The following C12orf56 variants were observed in gnomAD, a reference collection of about 807,000 sequenced individuals.
C12orf56 encodes chromosome 12 open reading frame 56.
In C12orf56, 71 loss-of-function variants were observed where a neutral mutation model predicts 69.9. That is an observed-to-expected ratio of 1.02 (90% CI 0.84 to 1.24). The LOEUF is 1.24. C12orf56 is among the 50% of genes most tolerant of loss of function. The pLI, the probability that C12orf56 is intolerant of heterozygous loss-of-function variation, is 0.00. For synonymous variants in C12orf56, 276 were observed against 274.1 expected, an observed-to-expected ratio of 1.01 and a Z score of -0.07; for missense variants, 732 against 738.5, an observed-to-expected ratio of 0.99 and a Z score of 0.10.
chr12:64,308,936 G>GA (rs1482312962), intron 5 of C12orf56, among the ~76,000 whole-genome samples: 1 of 32,574 alleles, frequency 3.1e-5, no homozygotes, highest in Admixed American at 3.8e-4. Flanking sequence ...AAGAAAGAAA[G>GA]AAAGAAGAAA....
chr12:64,337,770 T>C (rs1486069986), intron 2 of C12orf56, among the ~76,000 whole-genome samples: 1 of 149,280 alleles, frequency 6.7e-6, no homozygotes, highest in African/African-American at 2.5e-5. Context: ...GGCACAAGAA[T>C]CACTTGAACC....
At chr12:64,355,583 T>C (rs1043350261) in intron 1 of C12orf56, among the ~76,000 whole-genome samples, 5 of 152,190 alleles carry the variant, frequency 3.3e-5, no homozygotes, top group South Asian at 4.1e-4. Flanking sequence ...ATATCTCAGA[T>C]TGAAGATAAT....
At chr12:64,300,800 T>C (rs983604258) in intron 6 of C12orf56, among the ~76,000 whole-genome samples, 1 of 152,250 alleles carries the variant, frequency 6.6e-6, no homozygotes, top group Admixed American at 6.5e-5. Context: ...GCCTTTTCCA[T>C]GAGCATCTAC....
chr12:64,283,910 T>TA (rs1261202000), intron 8 of C12orf56, among the ~76,000 whole-genome samples: 1 of 138,490 alleles, frequency 7.2e-6, no homozygotes, highest in Non-Finnish European at 1.5e-5. Flanking sequence ...GAGTATCTAT[T>TA]TTTTTTTTTT....
At position 64,366,262 on chromosome 12, in the gene C12orf56, TAC is replaced by T. The variant is rs1284161536; in HGVS notation, c.253-13208_253-13207del. On this transcript the variant is annotated intron_variant, in intron 1 of 12. Coordinates refer to ENST00000543942, the MANE Select transcript of C12orf56 (RefSeq NM_001170633.2). ...TACAGTTTATATATTATATATAATATACAGTTTATATATTATATATAATATAC... is the reference window on the plus strand; with the variant it reads ...TACAGTTTATATATTATATATAATATAGTTTATATATTATATATAATATAC... Among the ~76,000 whole-genome samples, 3 of 115,522 alleles carry T rather than the reference TAC, an allele frequency of 2.6e-5. 1 individual carries two copies. Among genetic ancestry groups the T allele is most frequent in the Non-Finnish European group, 4.8e-5 (3 of 62,416 alleles). 75.8% of individuals were successfully genotyped at this position (115,522 alleles called of 152,430 possible).
At chr12:64,325,214 A>G (rs2038822256) in intron 3 of C12orf56, among the ~76,000 whole-genome samples, 1 of 152,190 alleles carries the variant, frequency 6.6e-6, no homozygotes, top group Non-Finnish European at 1.5e-5. Flanking sequence ...TTAAGAGTGT[A>G]GACTAATCTC....
intron 1 of C12orf56, among the ~76,000 whole-genome samples, chr12:64,363,751 A>C (rs1341907144): frequency 1.3e-5 from 2 of 152,190 alleles, no homozygotes; most frequent in Non-Finnish European, 2.9e-5. Flanking sequence ...CTGATGACAG[A>C]TCATGATGCG....
chr12:64,279,067 C>T (rs2136755955), intron 8 of C12orf56, among the ~76,000 whole-genome samples: 1 of 152,216 alleles, frequency 6.6e-6, no homozygotes, highest in Admixed American at 6.5e-5. Flanking sequence ...TAATGTACAG[C>T]ATTTCTTTTT....
At chr12:64,338,201 C>T (rs1565763165) in intron 2 of C12orf56, 2 of 581,984 alleles carry the variant, frequency 3.4e-6, no homozygotes, top group Non-Finnish European at 6.7e-6. Flanking sequence ...TTGGCATTTG[C>T]CCTGAACAAG....
intron 7 of C12orf56, 136 bp from the exon 8 acceptor site, chr12:64,284,889 C>T (rs2038179497): frequency 6.3e-6 from 4 of 632,664 alleles, no homozygotes; most frequent in Non-Finnish European, 8.1e-6. Context: ...AAATTTTGTA[C>T]ATCAAATTGC....
intron 3 of C12orf56, among the ~76,000 whole-genome samples, chr12:64,328,741 T>A (rs2038887490): frequency 8.0e-6 from 1 of 124,608 alleles, no homozygotes; most frequent in Admixed American, 8.9e-5. Flanking sequence ...ATATATAGTA[T>A]CACACTTTAA....
intron 5 of C12orf56, among the ~76,000 whole-genome samples, chr12:64,310,933 T>G (rs2038602641): frequency 6.6e-6 from 1 of 151,830 alleles, no homozygotes; most frequent in Non-Finnish European, 1.5e-5. Context: ...GTGTTCTCAT[T>G]GTTCAATTCC....
intron 7 of C12orf56, 71 bp from the exon 8 acceptor site, chr12:64,284,824 G>A: frequency 2.5e-6 from 3 of 1,221,908 alleles, no homozygotes; most frequent in Non-Finnish European, 3.4e-6. Context: ...CACAAAAGTA[G>A]TAATTTTTGC....
At chr12:64,335,846 G>A (rs1458074171) in intron 2 of C12orf56, among the ~76,000 whole-genome samples, 4 of 152,090 alleles carry the variant, frequency 2.6e-5, no homozygotes, top group African/African-American at 7.2e-5. Flanking sequence ...TTGGACCATG[G>A]GCACCTGTAT....
intron 2 of C12orf56, among the ~76,000 whole-genome samples, chr12:64,350,500 CTT>C (rs2039208050): frequency 6.6e-6 from 1 of 152,192 alleles, no homozygotes; most frequent in Non-Finnish European, 1.5e-5. Flanking sequence ...GTATGCTTCC[CTT>C]TAAGGAGTCA....
At chr12:64,379,795 C>T (rs374486967) in intron 1 of C12orf56, among the ~76,000 whole-genome samples, 4 of 150,824 alleles carry the variant, frequency 2.7e-5, no homozygotes, top group South Asian at 4.2e-4. Context: ...TCAAAACGCA[C>T]GATATAAGCC....
chr12:64,281,639 A>C (rs1342500011), intron 8 of C12orf56, among the ~76,000 whole-genome samples: 2 of 152,208 alleles, frequency 1.3e-5, no homozygotes, highest in Non-Finnish European at 2.9e-5. Flanking sequence ...ACGTAATACT[A>C]TGGGGCACAT....
Position 64,390,377 on chromosome 12 carries a change from G to T in C12orf56, c.189C>A (p.Thr63=), listed in dbSNP as rs373092906. The T allele has an allele frequency of 1.5e-5, 25 of 1,613,034 alleles. No homozygotes were observed. Among genetic ancestry groups the T allele is most frequent in the Non-Finnish European group, 2.1e-5 (25 of 1,179,754 alleles). Reference sequence around the variant, plus strand: ...GCCGGATGGACTTGGGCGGGTTCTCGGTTAGGTAGACGAGCCGGTCGCTTA... The same window carrying T: ...GCCGGATGGACTTGGGCGGGTTCTCTGTTAGGTAGACGAGCCGGTCGCTTA... ...VVLSDRLVYL[T]ENPPKSIRRV... The change falls in exon 1 of 13, where the codon ACC becomes ACA. Residue 63 remains threonine (T), a synonymous_variant. Coordinates refer to ENST00000543942, the MANE Select transcript of C12orf56 (RefSeq NM_001170633.2).
intron 2 of C12orf56, among the ~76,000 whole-genome samples, chr12:64,350,007 G>C (rs544994502): frequency 1.3e-4 from 19 of 151,322 alleles, no homozygotes; most frequent in Non-Finnish European, 2.2e-4. Context: ...CAGGATAATT[G>C]CTTGAACCCA....
Sources: allele counts gnomAD v4.1 joint callset (sites outside exome capture counted in the v4.1 genomes callset), GRCh38; gene constraint gnomAD v4.1.1; transcripts MANE v1.5; gene names NCBI Gene and HGNC (gene_info 2026-07-23, HGNC 2026-07-21).